FAM193B: variants seen among roughly 807,000 people sequenced by gnomAD.
FAM193B encodes protein FAM193B.
FAM193B carries 27 observed loss-of-function variants against 70.7 expected under a neutral mutation model. The observed-to-expected ratio is 0.38, with a 90% confidence interval of 0.28 to 0.53. The LOEUF is 0.53. Ranked by LOEUF, FAM193B falls within the 20% of genes least tolerant of loss-of-function variation. The probability of loss-of-function intolerance (pLI) is 0.81; values close to 1 mark genes in which losing one functional copy is unlikely to be tolerated. For missense variants in FAM193B, 1,022 were observed against 1,072.5 expected, an observed-to-expected ratio of 0.95 and a Z score of 0.66; for synonymous variants, 448 against 436.0, an observed-to-expected ratio of 1.03 and a Z score of -0.34.
chr5:177,536,529 TG>T lies in FAM193B; in HGVS notation c.904del (p.His302ThrfsTer19). 1.3e-6 allele frequency: 2 copies of T among 1,515,176 alleles called. No individual in the cohort carries two copies. Among genetic ancestry groups the T allele is most frequent in the Non-Finnish European group, 1.8e-6 (2 of 1,140,754 alleles). The allele number at this position is 1,515,176 out of a possible 1,614,324, so 93.9% of individuals were successfully genotyped here. On this transcript the variant is annotated frameshift_variant, in exon 4 of 9. Coordinates refer to ENST00000514747, the MANE Select transcript of FAM193B (RefSeq NM_001190946.3). LOFTEE classifies it high-confidence loss of function. ...GGAGCTCTGACATGGCCCTGGAGTG[TG>T]GGGGGCAGTGGCAGCAGCAACAGGG... ...ECPVAAATAPHTPGPCQSSHL... is the reference protein window; with the variant it reads ...ECPVAAATAPXTPGPCQSSHL...
intron 5 of FAM193B, among the ~76,000 whole-genome samples, chr5:177,527,904 GTC>G (rs1762859699): frequency 6.6e-6 from 1 of 152,228 alleles, no homozygotes; most frequent in Non-Finnish European, 1.5e-5. Flanking sequence ...GATGTGCAGA[GTC>G]TGAGATACCT....
In FAM193B at chr5:177,554,421, C is replaced by T. The variant is rs1375060781; in HGVS notation, c.38G>A (p.Gly13Asp). The change falls in exon 1 of 9, where the codon GGC (glycine) becomes GAC (aspartate). Residue 13 changes from glycine (G) to aspartate (D), a missense_variant. By Grantham distance (94) the Gly-to-Asp change is moderately conservative. Coordinates refer to ENST00000514747, the MANE Select transcript of FAM193B (RefSeq NM_001190946.3). ...CGCGGCCCGAGCCCGCTCGCGCCTG[C>T]CCGCACCGCCGCTCGGCCTGCTCCG... Reference protein sequence around the residue: ...RRRSRPSGGAGRRERARAAGP... With the variant: ...RRRSRPSGGADRRERARAAGP... 8 of 1,097,984 alleles carry T rather than the reference C, an allele frequency of 7.3e-6. No individual in the cohort carries two copies. Among genetic ancestry groups the T allele is most frequent in the East Asian group, 5.4e-5 (1 of 18,398 alleles). 68.0% of individuals were successfully genotyped at this position (1,097,984 alleles called of 1,614,324 possible). A position where few individuals can be genotyped will look rare whatever the true frequency, so the allele number is the denominator to read the frequency against.
chr5:177,525,465 C>T, intron 5 of FAM193B: 3 of 373,212 alleles, frequency 8.0e-6, no homozygotes, highest in Non-Finnish European at 9.5e-6. Context: ...TTTCAGTGGA[C>T]TAATCTGCAA....
At chr5:177,525,381 A>G (rs2127451762) in intron 5 of FAM193B, 176 bp from the exon 6 acceptor site, 1 of 509,048 alleles carries the variant, frequency 2.0e-6, no homozygotes, top group Non-Finnish European at 3.2e-6. Context: ...CCAGACAGGT[A>G]CATGTCCTGG....
At chr5:177,547,978 G>C (rs1208041507) in intron 1 of FAM193B, among the ~76,000 whole-genome samples, 1 of 150,728 alleles carries the variant, frequency 6.6e-6, no homozygotes, top group East Asian at 2.0e-4. Flanking sequence ...ACACACACAG[G>C]GCCCTTCCCA....
intron 1 of FAM193B, among the ~76,000 whole-genome samples, chr5:177,547,910 T>C (rs1765655742): frequency 6.6e-6 from 1 of 152,160 alleles, no homozygotes; most frequent in African/African-American, 2.4e-5. Context: ...GCTGCTGTGC[T>C]GGGAGCCACC....
At position 177,542,352 on chromosome 5, in the gene FAM193B, A is replaced by C. The variant is rs529802268; in HGVS notation, c.211-3205T>G. Among the ~76,000 whole-genome samples the C allele has an allele frequency of 2.6e-5, 4 of 152,312 alleles. No individual in the cohort carries two copies. In the East Asian group the frequency reaches 5.8e-4, roughly 22 times the overall value. On this transcript the variant is annotated intron_variant, in intron 1 of 8. Transcript: ENST00000514747. ...CATCTGTAAAATGGGATTAAGTCCT[A>C]ATTTGTAGGGTCAGCTGTGAGAAAT...
chr5:177,531,588 C>A lies in FAM193B; in HGVS notation c.1275+855G>T, dbSNP rs922118562. On this transcript the variant is annotated intron_variant, in intron 5 of 8. Coordinates refer to ENST00000514747, the MANE Select transcript of FAM193B (RefSeq NM_001190946.3). ...GGGGGGCCCACAGCACTCCCTCCCA[C>A]GGGCACCAAGTATGTGATGAGAAGC... 2.1e-5 allele frequency: 24 copies of A among 1,169,946 alleles called. No individual in the cohort carries two copies. In the South Asian group the frequency reaches 3.2e-4, roughly 16 times the overall value. 72.5% of individuals were successfully genotyped at this position (1,169,946 alleles called of 1,614,324 possible). A position where few individuals can be genotyped will look rare whatever the true frequency, so the allele number is the denominator to read the frequency against.
intron 5 of FAM193B, among the ~76,000 whole-genome samples, chr5:177,527,536 C>CCA (rs1465388273): frequency 6.6e-6 from 1 of 152,212 alleles, no homozygotes; most frequent in Non-Finnish European, 1.5e-5. Context: ...CACAGCAGCC[C>CCA]CACTGCCTGA....
At chr5:177,531,150 G>C in intron 5 of FAM193B, 1 of 997,020 alleles carries the variant, frequency 1.0e-6, no homozygotes, top group South Asian at 2.0e-5. Flanking sequence ...AACTCATTCA[G>C]ACCTTCCCAG....
At chr5:177,548,994 T>C (rs896771956) in intron 1 of FAM193B, among the ~76,000 whole-genome samples, 6 of 152,120 alleles carry the variant, frequency 3.9e-5, no homozygotes, top group African/African-American at 1.4e-4. Context: ...TTCTACCACC[T>C]TGTCCTCTGG....
intron 1 of FAM193B, among the ~76,000 whole-genome samples, chr5:177,552,516 C>T (rs1487405329): frequency 1.3e-5 from 2 of 152,222 alleles, no homozygotes; most frequent in Non-Finnish European, 2.9e-5. Context: ...TTTGGCATCT[C>T]TATGTGGCAG....
chr5:177,529,948 C>T (rs933258432), intron 5 of FAM193B, among the ~76,000 whole-genome samples: 2 of 152,188 alleles, frequency 1.3e-5, no homozygotes, highest in African/African-American at 4.8e-5. Context: ...GAGAAGGATC[C>T]TGGTTGTCCT....
At chr5:177,549,965 T>C (rs909536681) in intron 1 of FAM193B, among the ~76,000 whole-genome samples, 1 of 152,170 alleles carries the variant, frequency 6.6e-6, no homozygotes, top group African/African-American at 2.4e-5. Flanking sequence ...CTCTAAAAAA[T>C]TCTAGATGAG....
intron 1 of FAM193B, among the ~76,000 whole-genome samples, chr5:177,550,891 G>T (rs116233868): frequency 6.6e-6 from 1 of 152,162 alleles, no homozygotes; most frequent in Non-Finnish European, 1.5e-5. Context: ...GTGCAGTGGC[G>T]TGCACATGAA....
chr5:177,533,275 G>C (rs1489747620), intron 4 of FAM193B, among the ~76,000 whole-genome samples: 1 of 152,018 alleles, frequency 6.6e-6, no homozygotes, highest in Non-Finnish European at 1.5e-5. Flanking sequence ...AACTATAAGA[G>C]CCACTGTTTG....
In FAM193B at chr5:177,538,926, T is replaced by C. The variant is rs958403183; in HGVS notation, c.432A>G (p.Thr144=). 2 of 1,613,962 alleles carry C rather than the reference T, an allele frequency of 1.2e-6. No homozygotes were observed. The highest frequency in any genetic ancestry group is 2.7e-5 in the African/African-American group (2 of 74,944). ...RKSMEEDERQ[T]GREHAVAISL... is the part of the protein sequence containing the mutation. ...CTACCGCCACTGCATGTTCTCGACCTGTCTGCCTTTCATCTTCCTCCATGC... is the reference window on the plus strand; with the variant it reads ...CTACCGCCACTGCATGTTCTCGACCCGTCTGCCTTTCATCTTCCTCCATGC... The change falls in exon 2 of 9, where the codon ACA becomes ACG. Residue 144 remains threonine (T), a synonymous_variant. Transcript: ENST00000514747. This position sits in a 1 kb window ranked among gnomAD's most constrained non-coding sequence, Gnocchi z 4.1.
At chr5:177,553,386 C>CT in intron 1 of FAM193B, 1 of 1,004,586 alleles carries the variant, frequency 1.0e-6, no homozygotes, top group Non-Finnish European at 1.2e-6. Flanking sequence ...ACTCAAAACT[C>CT]TTTTGTCAGA....
In FAM193B at chr5:177,545,691, G is replaced by A. The variant is rs989902538; in HGVS notation, c.211-6544C>T. Among the ~76,000 whole-genome samples the A allele has an allele frequency of 6.6e-5, 10 of 151,946 alleles. No individual in the cohort carries two copies. In the South Asian group the frequency reaches 2.1e-3, roughly 32 times the overall value. ...AAAAAAAAAAAAGATAGCTCTCTGG[G>A]GGCATGACTCAATTTTCTAGCTTGG... On this transcript the variant is annotated intron_variant, in intron 1 of 8. Transcript: ENST00000514747.
Sources: gnomAD v4.1 joint callset for allele counts (sites outside exome capture counted in the v4.1 genomes callset) on GRCh38, gnomAD v4.1.1 for gene constraint, Gnocchi (gnomAD v3.1) non-coding constraint, MANE v1.5 for transcripts, NCBI Gene and HGNC (gene_info 2026-07-23, HGNC 2026-07-21) for gene names.